The following CDC73 variants were observed in gnomAD, a reference collection of about 807,000 sequenced individuals.
CDC73 encodes the protein cell division cycle 73, also known as parafibromin.
Under a neutral mutation model 83.7 loss-of-function variants are expected in CDC73, and 21 were observed. The observed-to-expected ratio is 0.25, with a 90% CI of 0.18 to 0.36. The LOEUF is 0.36. Ranked by LOEUF, CDC73 falls within the 10% of genes least tolerant of loss-of-function variation. The pLI is 1.00. For synonymous variants in CDC73, 224 were observed against 212.9 expected (o/e 1.05, Z -0.45); for missense variants, 342 against 653.3 (o/e 0.52, Z 5.19).
chr1:193,219,126 A>T (rs550483494), intron 13 of CDC73, among the ~76,000 whole-genome samples: 3 of 152,266 alleles, frequency 2.0e-5, no homozygotes, highest in Non-Finnish European at 4.4e-5. Context: ...CAACAAACAT[A>T]GGAAAGAAAT....
chr1:193,187,307 A>G (rs1199662444), intron 10 of CDC73, among the ~76,000 whole-genome samples: 1 of 152,150 alleles, frequency 6.6e-6, no homozygotes, highest in Non-Finnish European at 1.5e-5. Flanking sequence ...CATGTATCGT[A>G]GAATTCAGTA....
At chr1:193,202,193 C>T (rs982719691) in intron 10 of CDC73, among the ~76,000 whole-genome samples, 6 of 148,880 alleles carry the variant, frequency 4.0e-5, no homozygotes, top group South Asian at 2.1e-4. Context: ...AATGATTATC[C>T]GCTGGCTTCT....
chr1:193,235,670 T>C (rs1677745453), intron 14 of CDC73, among the ~76,000 whole-genome samples: 1 of 152,338 alleles, frequency 6.6e-6, no homozygotes, highest in South Asian at 2.1e-4. Flanking sequence ...AAACTACTTA[T>C]AAATTTAGGG....
rs1199612108 is a variant in CDC73 at position 193,252,430 on chromosome 1, G to T, written c.*1718G>T. 4.4e-6 allele frequency: 1 copy of T among 229,838 alleles called. No individual in the cohort carries two copies. Among genetic ancestry groups the T allele is most frequent in the Non-Finnish European group, 8.6e-6 (1 of 116,058 alleles). The allele number at this position is 229,838 out of a possible 1,614,324, so 14.2% of individuals were successfully genotyped here. A position where few individuals can be genotyped will look rare whatever the true frequency, so the allele number is the denominator to read the frequency against. On this transcript the variant is annotated 3_prime_UTR_variant, in exon 17 of 17. Coordinates refer to ENST00000367435, the MANE Select transcript of CDC73 (RefSeq NM_024529.5). ...TACTTGTCAAGACTACTACAAGTCA[G>T]TATGAACTACCTTCCCATAAAGATT...
intron 6 of CDC73, among the ~76,000 whole-genome samples, chr1:193,138,677 A>G (rs1241492394): frequency 6.6e-6 from 1 of 151,898 alleles, no homozygotes; most frequent in Non-Finnish European, 1.5e-5. Context: ...TTGACAGCTC[A>G]CTTACATTCT....
rs562074491 is a variant in CDC73 at position 193,146,008 on chromosome 1, G to A, written c.730-1859G>A. On this transcript the variant is annotated intron_variant, in intron 7 of 16. Coordinates refer to ENST00000367435, the MANE Select transcript of CDC73 (RefSeq NM_024529.5). ...GGCAGTTAACTTAGTTGAGAGTAAA[G>A]AGGAGTGATACCTAAAGAACAAAAA... Among the ~76,000 whole-genome samples, 3 of 152,272 alleles carry A rather than the reference G, an allele frequency of 2.0e-5. No individual in the cohort carries two copies. The South Asian group carries it at 6.2e-4, about 32-fold the overall frequency.
chr1:193,178,958 A>G (rs1676660565), intron 10 of CDC73: 1 of 152,156 alleles, frequency 6.6e-6, no homozygotes, highest in Non-Finnish European at 1.5e-5. Context: ...TAAAAACACT[A>G]TTTTAGTTAG....
chr1:193,229,829 T>C (rs1055262882), intron 13 of CDC73, among the ~76,000 whole-genome samples: 3 of 151,996 alleles, frequency 2.0e-5, no homozygotes, highest in African/African-American at 7.3e-5. Context: ...GGTATATGAG[T>C]GTGTCTATAT....
At chr1:193,158,831 G>A (rs2103138583) in intron 10 of CDC73, among the ~76,000 whole-genome samples, 1 of 152,186 alleles carries the variant, frequency 6.6e-6, no homozygotes, top group Admixed American at 6.5e-5. Context: ...AAGATAGTAT[G>A]TATATAATAG....
intron 14 of CDC73, 21 bp downstream of exon 14, chr1:193,233,175 A>G (rs778500080): frequency 5.7e-6 from 9 of 1,592,668 alleles, no homozygotes; most frequent in African/African-American, 2.7e-5. Context: ...CTCTATATAT[A>G]TATCTTTTCA....
At chr1:193,230,542 A>T (rs914252676) in intron 13 of CDC73, among the ~76,000 whole-genome samples, 11 of 145,686 alleles carry the variant, frequency 7.6e-5, no homozygotes, top group African/African-American at 2.1e-4. Flanking sequence ...GCAATAGTAG[A>T]TGAACCTATT....
At chr1:193,135,900 T>C (rs1227505223) in intron 5 of CDC73, among the ~76,000 whole-genome samples, 1 of 150,722 alleles carries the variant, frequency 6.6e-6, no homozygotes, top group Non-Finnish European at 1.5e-5. Flanking sequence ...GCAGAATCTT[T>C]CTCTGTCACC....
At chr1:193,237,818 G>A (rs569851278) in intron 15 of CDC73, among the ~76,000 whole-genome samples, 3 of 152,234 alleles carry the variant, frequency 2.0e-5, no homozygotes, top group South Asian at 4.2e-4. Context: ...CTGTGTCTGC[G>A]TACATTTTCC....
intron 6 of CDC73, among the ~76,000 whole-genome samples, chr1:193,140,394 C>A (rs751114761): frequency 1.2e-4 from 19 of 152,168 alleles, no homozygotes; most frequent in African/African-American, 4.3e-4. Context: ...GGTAGTCCCC[C>A]ATCCACCCTC....
Position 193,198,661 on chromosome 1 carries a change from A to G in CDC73, c.973-5134A>G, listed in dbSNP as rs1677041586. Among the ~76,000 whole-genome samples, 4 of 152,264 alleles carry G rather than the reference A, an allele frequency of 2.6e-5. No individual in the cohort carries two copies. The South Asian group carries it at 8.3e-4, about 31-fold the overall frequency. ...GTATCCAGAAAATGCCAAAAGGTCAAAACAAGGGAACATTGGAATTAAGGG... is the reference window on the plus strand; with the variant it reads ...GTATCCAGAAAATGCCAAAAGGTCAGAACAAGGGAACATTGGAATTAAGGG... On this transcript the variant is annotated intron_variant, in intron 10 of 16. Transcript: ENST00000367435.
At chr1:193,160,450 G>C (rs1676289437) in intron 10 of CDC73, among the ~76,000 whole-genome samples, 1 of 151,982 alleles carries the variant, frequency 6.6e-6, no homozygotes, top group South Asian at 2.1e-4. Flanking sequence ...ATGAAACATA[G>C]TTTTGGTTAC....
At chr1:193,137,582 C>T (rs567350995) in intron 5 of CDC73, among the ~76,000 whole-genome samples, 5 of 152,122 alleles carry the variant, frequency 3.3e-5, no homozygotes, top group Admixed American at 1.3e-4. Flanking sequence ...GCCCATGAGG[C>T]GTTTAGTTGG....
chr1:193,229,491 C>T (rs577098932), intron 13 of CDC73, among the ~76,000 whole-genome samples: 10 of 152,322 alleles, frequency 6.6e-5, no homozygotes, highest in African/African-American at 2.2e-4. Context: ...TAGGAGGACG[C>T]AGCAATAATA....
chr1:193,152,623 T>C (rs1676133395), intron 10 of CDC73, among the ~76,000 whole-genome samples, 179 bp downstream of exon 10: 1 of 152,232 alleles, frequency 6.6e-6, no homozygotes, highest in Admixed American at 6.5e-5. Context: ...GTTTCATTTT[T>C]CTTTTCCTTC....
Sources: gnomAD v4.1 joint callset for allele counts (sites outside exome capture counted in the v4.1 genomes callset) on GRCh38, gnomAD v4.1.1 for gene constraint, MANE v1.5 for transcripts, NCBI Gene and HGNC (gene_info 2026-07-23, HGNC 2026-07-21) for gene names.